GRIN2A: variants seen among roughly 807,000 people sequenced by gnomAD.
GRIN2A encodes the protein glutamate receptor ionotropic, NMDA 2A.
In GRIN2A, 22 loss-of-function variants were observed where a neutral mutation model predicts 113.4. That is an observed-to-expected ratio of 0.19 (90% confidence interval 0.14 to 0.28). The LOEUF is 0.28. Among genes scored for constraint, GRIN2A ranks in the 10% least tolerant of loss-of-function variants. The pLI is 1.00. For missense variants in GRIN2A, 1,502 were observed against 1,887.0 expected, an observed-to-expected ratio of 0.80 and a Z score of 3.78; for synonymous variants, 827 against 738.4, an observed-to-expected ratio of 1.12 and a Z score of -1.94.
At chr16:9,930,500 C>G (rs1047082673) in intron 3 of GRIN2A, among the ~76,000 whole-genome samples, 5 of 152,294 alleles carry the variant, frequency 3.3e-5, no homozygotes, top group African/African-American at 1.2e-4. Context: ...TACTTTGAGA[C>G]TCAGCTGTTT....
intron 10 of GRIN2A, among the ~76,000 whole-genome samples, chr16:9,820,464 C>G (rs952111946): frequency 2.0e-5 from 3 of 152,130 alleles, no homozygotes; most frequent in Non-Finnish European, 2.9e-5. Context: ...AACAGAAATG[C>G]GCTCACTCAT....
At chr16:10,115,992 C>A (rs1423705859) in intron 2 of GRIN2A, among the ~76,000 whole-genome samples, 2 of 152,146 alleles carry the variant, frequency 1.3e-5, no homozygotes, top group Non-Finnish European at 2.9e-5. Context: ...GGAATATAAA[C>A]CATTCCGTCA....
chr16:9,828,824 A>G (rs1263034120), intron 9 of GRIN2A, among the ~76,000 whole-genome samples: 1 of 152,204 alleles, frequency 6.6e-6, no homozygotes, highest in Non-Finnish European at 1.5e-5. Flanking sequence ...AGAAAGAACC[A>G]GTGGGAAATT....
intron 2 of GRIN2A, among the ~76,000 whole-genome samples, chr16:10,060,057 A>C (rs1367969190): frequency 6.6e-6 from 1 of 152,140 alleles, no homozygotes; most frequent in East Asian, 1.9e-4. Flanking sequence ...ACCTGATAGG[A>C]ATTGGGACCC....
chr16:9,763,740 C>A lies in GRIN2A; in HGVS notation c.3804G>T (p.Gln1268His), dbSNP rs1303683757. The change falls in exon 13 of 13, where the codon CAG (glutamine) becomes CAT (histidine). Residue 1268 changes from glutamine (Q) to histidine (H), a missense_variant. This residue lies in a region of GRIN2A where 832 missense variants were observed against 789.7 expected (regional missense o/e 1.05). Transcript: ENST00000330684. ...GGGCATTGTTCTGTGCCCAGTCCTG[C>A]TGGTAGACCTGCTCCCCGGTGGCTG... is the stretch of plus-strand genomic sequence containing the variant. ...GNPATGEQVY[Q>H]QDWAQNNALQ... 6.2e-7 allele frequency: 1 copy of A among 1,614,158 alleles called. No homozygotes were observed. The highest frequency in any genetic ancestry group is 8.5e-7 in the Non-Finnish European group (1 of 1,180,018).
chr16:10,032,525 C>G (rs2352752), intron 2 of GRIN2A, among the ~76,000 whole-genome samples: 32,371 of 152,114 alleles, frequency 0.21, 4,178 homozygotes, highest in East Asian at 0.52. Flanking sequence ...CAGACATTTA[C>G]CATGTGTTCC....
At position 9,962,157 on chromosome 16, in the gene GRIN2A, C is replaced by A. The variant is rs551533658; in HGVS notation, c.415-23606G>T. On this transcript the variant is annotated intron_variant, in intron 2 of 12. Coordinates refer to ENST00000330684, the MANE Select transcript of GRIN2A (RefSeq NM_001134407.3). ...TATGTTAGACCTAAAACGATAAAAA[C>A]CCTAGAAGAAAACCTAGGCAATACC... Among the ~76,000 whole-genome samples, 27 of 152,244 alleles carry A rather than the reference C, an allele frequency of 1.8e-4. No individual in the cohort carries two copies. In the South Asian group the frequency reaches 5.4e-3, roughly 30 times the overall value.
intron 3 of GRIN2A, among the ~76,000 whole-genome samples, chr16:9,906,889 C>T (rs2044038543): frequency 6.6e-6 from 1 of 152,214 alleles, no homozygotes; most frequent in Non-Finnish European, 1.5e-5. Flanking sequence ...GTTGCCCAGG[C>T]TGGAGTGCAG....
chr16:9,999,727 C>G (rs1211726027), intron 2 of GRIN2A, among the ~76,000 whole-genome samples: 1 of 152,042 alleles, frequency 6.6e-6, no homozygotes, highest in Non-Finnish European at 1.5e-5. Context: ...TACCCCAGAA[C>G]TGAAAGTATA....
At chr16:10,111,941 T>C (rs1298147613) in intron 2 of GRIN2A, 9 of 744,848 alleles carry the variant, frequency 1.2e-5, no homozygotes, top group Non-Finnish European at 2.2e-5. Flanking sequence ...AAGCTGATGG[T>C]GGCTCCAGCA....
Position 9,764,813 on chromosome 16 carries a change from TCATGTTGGA to T in GRIN2A, c.2722_2730del (p.Ser908_Met910del), listed in dbSNP as rs1239111149. 10 of 1,614,072 alleles carry T rather than the reference TCATGTTGGA, an allele frequency of 6.2e-6. No homozygotes were observed. Among genetic ancestry groups the T allele is most frequent in the Non-Finnish European group, 8.5e-6 (10 of 1,180,028 alleles). On this transcript the variant is annotated inframe_deletion, in exon 13 of 13. Coordinates refer to ENST00000330684, the MANE Select transcript of GRIN2A (RefSeq NM_001134407.3). Reference sequence around the variant, plus strand: ...TTGGGTGAGTCCATTCTTGAGGAGTTCATGTTGGACATGCTGGAAATGTTTTTGGCTGAC... The same window carrying T: ...TTGGGTGAGTCCATTCTTGAGGAGTTCATGCTGGAAATGTTTTTGGCTGAC...
chr16:9,869,938 C>G (rs928828089), intron 4 of GRIN2A, among the ~76,000 whole-genome samples: 1 of 152,180 alleles, frequency 6.6e-6, no homozygotes, highest in East Asian at 1.9e-4. Flanking sequence ...TGGCACAACT[C>G]CAGAACAGGC....
chr16:10,089,642 C>T (rs1055621248), intron 2 of GRIN2A, among the ~76,000 whole-genome samples: 4 of 152,068 alleles, frequency 2.6e-5, no homozygotes, highest in Non-Finnish European at 5.9e-5. Context: ...GAAGAGGCAA[C>T]ATGTAGGAAG....
chr16:10,000,619 G>C (rs1370021564), intron 2 of GRIN2A, among the ~76,000 whole-genome samples: 1 of 94,826 alleles, frequency 1.1e-5, no homozygotes, highest in Non-Finnish European at 2.3e-5. Context: ...ACAGTGTTCT[G>C]GGTACCTTGG....
At position 9,764,852 on chromosome 16, in the gene GRIN2A, G is replaced by A. The variant is rs1900816384; in HGVS notation, c.2692C>T (p.Leu898Phe). Residue 898 changes from leucine to phenylalanine, a missense_variant, in exon 13 of 13, where the codon CTC becomes TTC. This residue lies in a region of GRIN2A where 832 missense variants were observed against 789.7 expected (regional missense o/e 1.05). Transcript: ENST00000330684. The stretch of plus-strand genomic sequence containing the variant: ...CTGGAAATGTTTTTGGCTGACCGGA[G>A]GAGTTTTAACATGTTGCTCTGGGAT... ...TGSQSNMLKL[L>F]RSAKNISSMS... 2 of 1,614,190 alleles carry A rather than the reference G, an allele frequency of 1.2e-6. No homozygotes were observed. Among genetic ancestry groups the A allele is most frequent in the Non-Finnish European group, 1.7e-6 (2 of 1,180,024 alleles).
chr16:9,972,539 A>T (rs796419148), intron 2 of GRIN2A, among the ~76,000 whole-genome samples: 4 of 152,344 alleles, frequency 2.6e-5, no homozygotes, highest in African/African-American at 9.6e-5. Flanking sequence ...CTCATCACAA[A>T]GAAAAAGGTA....
chr16:9,773,963 A>G (rs1901444611), intron 11 of GRIN2A, among the ~76,000 whole-genome samples: 2 of 105,096 alleles, frequency 1.9e-5, no homozygotes, highest in African/African-American at 7.4e-5. Flanking sequence ...GGCAAGGGTA[A>G]TTGAGGCAGT....
In GRIN2A at chr16:10,085,473, T is replaced by A. The variant is rs146003216; in HGVS notation, c.414+94525A>T. On this transcript the variant is annotated intron_variant, in intron 2 of 12. Transcript: ENST00000330684. The stretch of plus-strand genomic sequence containing the variant: ...GTATACTATAATTTGGCCCCATGTG[T>A]CAAAAGGTGAATTAGAGGACATGAA... 5.3e-3 allele frequency among the ~76,000 whole-genome samples: 812 copies of A among 152,246 alleles called. 5 individuals carry two copies. Among genetic ancestry groups the A allele is most frequent in the South Asian group, 9.3e-3 (45 of 4,816 alleles).
chr16:9,754,173 TATACAC>T lies in GRIN2A; in HGVS notation c.*8970_*8975del, dbSNP rs777734369. 53 of 187,018 alleles carry T rather than the reference TATACAC, an allele frequency of 2.8e-4. No homozygotes were observed. The highest frequency in any genetic ancestry group is 2.0e-4 in the Non-Finnish European group (18 of 88,630). 11.6% of individuals were successfully genotyped at this position (187,018 alleles called of 1,614,324 possible). On this transcript the variant is annotated 3_prime_UTR_variant, in exon 13 of 13. Transcript: ENST00000330684. ...GAAATATATATACTATACATAAACA[TATACAC>T]ATAAACATTCTGGGGTGATATAAAC...
Sources: gnomAD v4.1 joint callset for allele counts (sites outside exome capture counted in the v4.1 genomes callset) on GRCh38, gnomAD v4.1.1 for gene constraint, gnomAD v4.1.1 regional missense constraint, MANE v1.5 for transcripts, NCBI Gene and HGNC (gene_info 2026-07-23, HGNC 2026-07-21) for gene names.